The following GULP1 variants were observed in gnomAD, a reference collection of about 807,000 sequenced individuals.
The protein encoded by GULP1 is PTB domain-containing engulfment adapter protein 1.
In GULP1, 19 loss-of-function variants were observed where a neutral mutation model predicts 40.9. That is an observed-to-expected ratio of 0.46 (90% CI 0.32 to 0.68). The LOEUF is 0.68. Ranked by LOEUF, GULP1 falls within the 30% of genes least tolerant of loss-of-function variation. The pLI is 0.03. For missense variants in GULP1, 312 were observed against 362.2 expected (o/e 0.86, Z 1.12); for synonymous variants, 119 against 117.6 (o/e 1.01, Z -0.08).
chr2:188,517,932 C>T (rs928097172), intron 4 of GULP1, among the ~76,000 whole-genome samples: 4 of 152,054 alleles, frequency 2.6e-5, no homozygotes, highest in African/African-American at 9.7e-5. Flanking sequence ...CCTAATTCTT[C>T]AGATAGTTAA....
intron 1 of GULP1, among the ~76,000 whole-genome samples, chr2:188,339,310 G>C (rs781281136): frequency 2.6e-5 from 4 of 152,108 alleles, no homozygotes; most frequent in Non-Finnish European, 4.4e-5. Context: ...AATTATCAGA[G>C]ACTTTCTGTT....
intron 1 of GULP1, among the ~76,000 whole-genome samples, chr2:188,382,408 ATC>A (rs1364606534): frequency 1.3e-5 from 2 of 152,056 alleles, no homozygotes; most frequent in African/African-American, 4.8e-5. Flanking sequence ...CCTGATAATG[ATC>A]TCTGTGTTGG....
At chr2:188,425,325 A>G (rs899038088) in intron 2 of GULP1, among the ~76,000 whole-genome samples, 1 of 151,994 alleles carries the variant, frequency 6.6e-6, no homozygotes, top group African/African-American at 2.4e-5. Context: ...ACATATTTCA[A>G]CCTGTTGCAG....
At chr2:188,404,866 G>A (rs1349030161) in intron 2 of GULP1, among the ~76,000 whole-genome samples, 1 of 152,008 alleles carries the variant, frequency 6.6e-6, no homozygotes, top group African/African-American at 2.4e-5. Context: ...CAGGCTTCAG[G>A]GCCACCCTGG....
intron 4 of GULP1, among the ~76,000 whole-genome samples, chr2:188,492,513 C>T (rs1245101117): frequency 6.6e-6 from 1 of 152,010 alleles, no homozygotes; most frequent in African/African-American, 2.4e-5. Flanking sequence ...TCTGTCATCT[C>T]ATTTAATCCT....
At chr2:188,532,369 A>C (rs892707136) in intron 6 of GULP1, among the ~76,000 whole-genome samples, 2 of 152,184 alleles carry the variant, frequency 1.3e-5, no homozygotes, top group African/African-American at 2.4e-5. Context: ...TGTCCTTAGA[A>C]ATGCATAAAA....
At position 188,367,997 on chromosome 2, in the gene GULP1, T is replaced by C. The variant is rs1048116686; in HGVS notation, c.-171-15766T>C. 2.6e-5 allele frequency among the ~76,000 whole-genome samples: 4 copies of C among 152,124 alleles called. No individual in the cohort carries two copies. In the South Asian group the frequency reaches 8.3e-4, roughly 32 times the overall value. Reference sequence around the variant, plus strand: ...TTTTCACCCTTTTCATCTCTTTCTTTTGTGTCTCCTTTATAGCAGAAACCT... The same window carrying C: ...TTTTCACCCTTTTCATCTCTTTCTTCTGTGTCTCCTTTATAGCAGAAACCT... On this transcript the variant is annotated intron_variant, in intron 1 of 11. Transcript: ENST00000409830.
At chr2:188,513,560 C>T (rs1346475400) in intron 4 of GULP1, among the ~76,000 whole-genome samples, 1 of 152,112 alleles carries the variant, frequency 6.6e-6, no homozygotes, top group African/African-American at 2.4e-5. Context: ...AAAGCCACTT[C>T]TTGGCTGTGA....
At chr2:188,336,869 T>C (rs541470878) in intron 1 of GULP1, among the ~76,000 whole-genome samples, 10 of 152,204 alleles carry the variant, frequency 6.6e-5, no homozygotes, top group South Asian at 2.1e-4. Flanking sequence ...CATGGACTTA[T>C]AGTCAATGGT....
intron 1 of GULP1, among the ~76,000 whole-genome samples, chr2:188,354,286 T>C (rs1243849838): frequency 1.3e-5 from 2 of 152,044 alleles, no homozygotes; most frequent in Admixed American, 1.3e-4. Context: ...TTGGGTCTGG[T>C]TCCCAAACTG....
intron 1 of GULP1, among the ~76,000 whole-genome samples, chr2:188,338,797 A>T (rs2042610943): frequency 6.6e-6 from 1 of 152,218 alleles, no homozygotes; most frequent in African/African-American, 2.4e-5. Flanking sequence ...TACTAGTGCC[A>T]GGCTAATCTC....
intron 6 of GULP1, among the ~76,000 whole-genome samples, chr2:188,530,918 A>ATG (rs1687372364): frequency 6.6e-6 from 1 of 152,204 alleles, no homozygotes; most frequent in African/African-American, 2.4e-5. Flanking sequence ...TTCTTCTAAC[A>ATG]CCATAGGATA....
At chr2:188,331,464 A>G (rs113375731) in intron 1 of GULP1, among the ~76,000 whole-genome samples, 3 of 152,208 alleles carry the variant, frequency 2.0e-5, no homozygotes, top group Non-Finnish European at 2.9e-5. Context: ...TAAATTTACT[A>G]TACATAAGAA....
intron 1 of GULP1, among the ~76,000 whole-genome samples, chr2:188,304,919 A>G (rs2036791671): frequency 6.6e-6 from 1 of 152,194 alleles, no homozygotes; most frequent in South Asian, 2.1e-4. Context: ...TTTCCCCATC[A>G]ATAAGCAGTG....
intron 2 of GULP1, among the ~76,000 whole-genome samples, chr2:188,425,134 A>C (rs2056001410): frequency 6.6e-6 from 1 of 152,064 alleles, no homozygotes; most frequent in Admixed American, 6.5e-5. Context: ...AAAAAACATC[A>C]CCACTGCCCA....
At chr2:188,457,536 T>G (rs926581745) in intron 2 of GULP1, among the ~76,000 whole-genome samples, 3 of 152,204 alleles carry the variant, frequency 2.0e-5, no homozygotes, top group African/African-American at 7.2e-5. Flanking sequence ...GTGAATCCAG[T>G]TAAACCTCTT....
At chr2:188,416,992 CTT>C (rs749653956) in intron 2 of GULP1, among the ~76,000 whole-genome samples, 3 of 152,118 alleles carry the variant, frequency 2.0e-5, no homozygotes, top group East Asian at 1.9e-4. Context: ...GGAAAATACT[CTT>C]TGTCTACATC....
At chr2:188,504,244 G>A in intron 4 of GULP1, among the ~76,000 whole-genome samples, 1 of 151,780 alleles carries the variant, frequency 6.6e-6, no homozygotes, top group East Asian at 1.9e-4. Context: ...AAACTGACAC[G>A]ATGTCATGAT....
In GULP1 at chr2:188,595,465, G is replaced by C. The variant is rs1704284882; in HGVS notation, c.*1454G>C. The C allele has an allele frequency of 6.6e-6, 1 of 151,976 alleles. No homozygotes were observed. The allele number at this position is 151,976 out of a possible 1,614,324, so 9.4% of individuals were successfully genotyped here. A position where few individuals can be genotyped will look rare whatever the true frequency, so the allele number is the denominator to read the frequency against. ...TTATATGGTATATATGAGCCTTCTT[G>C]TTTAGTTTCTTTTATCTGCTAAGTT... On this transcript the variant is annotated 3_prime_UTR_variant, in exon 12 of 12. Transcript: ENST00000409830.
Sources: gnomAD v4.1 joint callset for allele counts (sites outside exome capture counted in the v4.1 genomes callset) on GRCh38, gnomAD v4.1.1 for gene constraint, MANE v1.5 for transcripts, NCBI Gene and HGNC (gene_info 2026-07-23, HGNC 2026-07-21) for gene names.